TEP1: variants seen among roughly 807,000 people sequenced by gnomAD.
TEP1 encodes telomerase associated protein 1, also known as telomerase protein component 1.
A neutral mutation model predicts 306.3 loss-of-function variants in TEP1; 241 were observed. That is an observed-to-expected ratio of 0.79 (90% CI 0.71 to 0.88). The LOEUF (loss-of-function observed/expected upper bound fraction) is 0.88, where lower values mean the gene tolerates loss of function less well. TEP1 is among the 40% of genes least tolerant of loss of function. The pLI, the probability that TEP1 is intolerant of heterozygous loss-of-function variation, is 0.00. For synonymous variants in TEP1, 1,289 were observed against 1,305.5 expected (o/e 0.99, Z 0.27); for missense variants, 3,051 against 3,276.1 (o/e 0.93, Z 1.68).
intron 9 of TEP1, among the ~76,000 whole-genome samples, chr14:20,397,445 G>C (rs1266339619): frequency 6.6e-6 from 1 of 151,850 alleles, no homozygotes; most frequent in African/African-American, 2.4e-5. Flanking sequence ...AAATGCGAAG[G>C]TTGCAGTGAA....
intron 9 of TEP1, 164 bp downstream of exon 9, chr14:20,400,820 C>T: frequency 1.2e-6 from 1 of 803,388 alleles, no homozygotes; most frequent in South Asian, 2.0e-5. Flanking sequence ...GCAGGTACCA[C>T]TGTTTACTTT....
In TEP1 at chr14:20,383,893, G is replaced by A; in HGVS notation, c.3560C>T (p.Ala1187Val). Reference sequence around the variant, plus strand: ...TGATGCCACCTTGGCCCCATCAGGAGCCTGCAGGGCTGACACAAGAGATGC... The same window carrying A: ...TGATGCCACCTTGGCCCCATCAGGAACCTGCAGGGCTGACACAAGAGATGC... ...FLASLVSALQ[A>V]PDGAKVASLV... The change falls in exon 25 of 55, where the codon GCT becomes GTT. Residue 1187 changes from alanine to valine, a missense_variant. Around this residue, in one of 3 missense-constraint regions of TEP1, gnomAD observed 1,507 missense variants for 1,550.5 expected, o/e 0.97. Coordinates refer to ENST00000262715, the MANE Select transcript of TEP1 (RefSeq NM_007110.5). 1 of 1,600,724 alleles carries A rather than the reference G, an allele frequency of 6.2e-7. No homozygotes were observed. Among genetic ancestry groups the A allele is most frequent in the East Asian group, 2.2e-5 (1 of 44,798 alleles).
chr14:20,403,959 T>C lies in TEP1; in HGVS notation c.1033-75A>G, dbSNP rs570566176. The C allele has an allele frequency of 8.9e-5, 141 of 1,593,082 alleles. 2 individuals carry two copies. The South Asian group carries it at 1.5e-3, about 17-fold the overall frequency. The stretch of plus-strand genomic sequence containing the variant: ...TCCAAAACAAAACGAGATCACTTCA[T>C]GGAGATACACGAGAGCACAGAGTAG... On this transcript the variant is annotated intron_variant, in intron 5 of 54. Coordinates refer to ENST00000262715, the MANE Select transcript of TEP1 (RefSeq NM_007110.5).
chr14:20,389,198 A>G (rs1877489447), intron 17 of TEP1, 40 bp downstream of exon 17: 2 of 1,597,044 alleles, frequency 1.3e-6, no homozygotes, highest in Non-Finnish European at 1.7e-6. Context: ...AAAACTTTCC[A>G]ACAAAGTATC....
intron 17 of TEP1, 74 bp from the exon 18 acceptor site, chr14:20,388,137 G>A (rs1877365852): frequency 6.5e-7 from 1 of 1,539,532 alleles, no homozygotes; most frequent in Non-Finnish European, 8.9e-7. Context: ...GAAAAGGGCA[G>A]GGGGAAAAAG....
intron 2 of TEP1, 32 bp from the exon 3 acceptor site, chr14:20,406,432 C>A (rs1334129660): frequency 6.2e-7 from 1 of 1,609,096 alleles, no homozygotes; most frequent in Non-Finnish European, 8.5e-7. Flanking sequence ...TGAATCACAG[C>A]AGGTATCCAC....
chr14:20,374,353 T>A (rs1885043727), intron 44 of TEP1, 76 bp downstream of exon 44: 4 of 960,518 alleles, frequency 4.2e-6, no homozygotes, highest in Non-Finnish European at 6.2e-6. Flanking sequence ...TGGGATTAGA[T>A]ACTCCATGCA....
intron 7 of TEP1, among the ~76,000 whole-genome samples, chr14:20,402,776 T>C (rs972526251): frequency 6.6e-6 from 1 of 152,204 alleles, no homozygotes; most frequent in Non-Finnish European, 1.5e-5. Context: ...TTTTGTTTGG[T>C]TTGTTTTTAA....
chr14:20,409,856 T>TA (rs539723352), intron 1 of TEP1, among the ~76,000 whole-genome samples: 1 of 151,120 alleles, frequency 6.6e-6, no homozygotes, highest in Non-Finnish European at 1.5e-5. Flanking sequence ...CCATCTCTAC[T>TA]AAAAAAATAC....
intron 4 of TEP1, 36 bp downstream of exon 4, chr14:20,405,415 C>G: frequency 1.2e-6 from 2 of 1,610,700 alleles, no homozygotes. Context: ...AGTCTACCAG[C>G]TTCACACCCC....
Position 20,373,830 on chromosome 14 carries a change from TCAGAGCAGAGTCATATTGAG to T in TEP1, c.6472-40_6472-21del. The T allele has an allele frequency of 1.2e-6, 2 of 1,610,870 alleles. No homozygotes were observed. The highest frequency in any genetic ancestry group is 1.7e-6 in the Non-Finnish European group (2 of 1,179,022). On this transcript the variant is annotated intron_variant, in intron 44 of 54. Coordinates refer to ENST00000262715, the MANE Select transcript of TEP1 (RefSeq NM_007110.5). The stretch of plus-strand genomic sequence containing the variant: ...CTCCTCCTGCCCACAGAGCACAAGA[TCAGAGCAGAGTCATATTGAG>T]CAGGACATGGGAAACAGAACTTCCT...
chr14:20,404,736 T>G lies in TEP1; in HGVS notation c.907A>C (p.Asn303His). The change falls in exon 5 of 55, where the codon AAT becomes CAT. Residue 303 changes from asparagine to histidine, a missense_variant. Coordinates refer to ENST00000262715, the MANE Select transcript of TEP1 (RefSeq NM_007110.5). The part of the protein sequence containing the change: ...LYARQQLNVR[N>H]VANNILAIAA... ...ATGGCCAAGATGTTATTGGCCACAT[T>G]CCGGACGTTCAGCTGCTGCCTGGCA... 1 of 1,613,618 alleles carries G rather than the reference T, an allele frequency of 6.2e-7. No individual in the cohort carries two copies. Among genetic ancestry groups the G allele is most frequent in the Non-Finnish European group, 8.5e-7 (1 of 1,179,740 alleles).
chr14:20,403,595 C>A, intron 6 of TEP1, 128 bp downstream of exon 6: 1 of 1,585,070 alleles, frequency 6.3e-7, no homozygotes, highest in Non-Finnish European at 8.6e-7. Flanking sequence ...ATGAGCTCTA[C>A]CCAGCTCCCC....
rs1478132548 is a variant in TEP1 at position 20,404,772 on chromosome 14, C to T, written c.871G>A (p.Ala291Thr). 6.2e-7 allele frequency: 1 copy of T among 1,605,798 alleles called. No individual in the cohort carries two copies. The highest frequency in any genetic ancestry group is 2.2e-5 in the East Asian group (1 of 44,790). Residue 291 changes from alanine to threonine, a missense_variant and splice_region_variant, in exon 5 of 55, where the codon GCA (alanine) becomes ACA (threonine). Coordinates refer to ENST00000262715, the MANE Select transcript of TEP1 (RefSeq NM_007110.5). ...AGCTGCTGCCTGGCATACAAAGATG[C>T]CTAGGACACAGGGTGAGAGGACTAG... ...ALLEPEFILK[A>T]SLYARQQLNV...
At chr14:20,398,355 G>A (rs1454862294) in intron 9 of TEP1, among the ~76,000 whole-genome samples, 2 of 146,968 alleles carry the variant, frequency 1.4e-5, no homozygotes, top group Non-Finnish European at 3.0e-5. Context: ...TCCAGCCTGG[G>A]CATCAAAGTG....
At chr14:20,384,884 C>A in intron 21 of TEP1, 101 bp downstream of exon 21, 1 of 1,567,556 alleles carries the variant, frequency 6.4e-7, no homozygotes, top group African/African-American at 1.4e-5. Context: ...CTGTTTCTGC[C>A]TCATAGCACT....
chr14:20,395,947 C>A lies in TEP1; in HGVS notation c.1662G>T (p.Lys554Asn). 1.2e-6 allele frequency: 2 copies of A among 1,613,956 alleles called. No homozygotes were observed. Among genetic ancestry groups the A allele is most frequent in the Non-Finnish European group, 1.7e-6 (2 of 1,179,934 alleles). Residue 554 changes from lysine (K) to asparagine (N), a missense_variant and splice_region_variant, in exon 11 of 55, where the codon AAG becomes AAT. This residue lies in a region of TEP1 where 1,507 missense variants were observed against 1,550.5 expected (regional missense o/e 0.97). Transcript: ENST00000262715. ...GAAACTGCCGACTGTGGATCACCGA[C>A]TTCTAGAAAGCAAAGGAGGGAGGGG... ...ELILQRLQHAKSVIHSRQFPF... is the reference protein window; with the variant it reads ...ELILQRLQHANSVIHSRQFPF...
At chr14:20,382,106 T>C (rs573039767) in intron 29 of TEP1, 43 bp from the exon 30 acceptor site, 1 of 1,611,680 alleles carries the variant, frequency 6.2e-7, no homozygotes, top group African/African-American at 1.3e-5. Context: ...AACCATACGG[T>C]GTCCCCGCCC....
chr14:20,374,092 T>TC (rs1223507693), intron 44 of TEP1, among the ~76,000 whole-genome samples: 1 of 143,272 alleles, frequency 7.0e-6, no homozygotes, highest in African/African-American at 2.5e-5. Flanking sequence ...CTTTTTCTCT[T>TC]TTTTTTTTTT....
Sources: allele counts gnomAD v4.1 joint callset (sites outside exome capture counted in the v4.1 genomes callset), GRCh38; gene constraint gnomAD v4.1.1; regional missense constraint gnomAD v4.1.1; transcripts MANE v1.5; gene names NCBI Gene and HGNC (gene_info 2026-07-23, HGNC 2026-07-21).